Variants in RPS6KC1 observed in about 807,000 individuals in gnomAD.
The protein encoded by RPS6KC1 is ribosomal protein S6 kinase C1, also known as inactive ribosomal protein S6 kinase delta-1.
Under a neutral mutation model 103.8 loss-of-function variants are expected in RPS6KC1, and 54 were observed. The ratio of observed to expected loss-of-function variants is 0.52; its 90% CI spans 0.42 to 0.65. The LOEUF is 0.65. RPS6KC1 is among the 30% of genes least tolerant of loss of function. RPS6KC1 has a pLI of 0.00. For missense variants in RPS6KC1, 1,151 were observed against 1,253.8 expected (o/e 0.92, Z 1.24); for synonymous variants, 439 against 438.7 (o/e 1.00, Z -0.01).
the RPS6KC1 span, among the ~76,000 whole-genome samples, chr1:213,657,397 AG>A: frequency 6.6e-6 from 1 of 152,158 alleles, no homozygotes; most frequent in African/African-American, 2.4e-5. Context: ...GAAGAATTGG[AG>A]GGTAATTTAA....
At chr1:213,449,564 C>T in the RPS6KC1 span, among the ~76,000 whole-genome samples, 1 of 152,176 alleles carries the variant, frequency 6.6e-6, no homozygotes, top group Non-Finnish European at 1.5e-5. Context: ...CTCATTCAAC[C>T]TTAATTACCT....
the RPS6KC1 span, among the ~76,000 whole-genome samples, chr1:213,462,552 T>C: frequency 6.6e-6 from 1 of 152,140 alleles, no homozygotes; most frequent in Non-Finnish European, 1.5e-5. Context: ...GGCACATATA[T>C]ACCATGGAAT....
At chr1:213,743,870 G>A in the RPS6KC1 span, among the ~76,000 whole-genome samples, 6 of 152,270 alleles carry the variant, frequency 3.9e-5, no homozygotes, top group East Asian at 1.2e-3. Context: ...AGGAAAGAGG[G>A]TCTTTGGTGT....
chr1:213,855,529 C>A, the RPS6KC1 span, among the ~76,000 whole-genome samples: 1 of 152,218 alleles, frequency 6.6e-6, no homozygotes, highest in Admixed American at 6.5e-5. Flanking sequence ...TCTTCACTAG[C>A]CTAGCATCTG....
chr1:213,686,279 G>A, the RPS6KC1 span, among the ~76,000 whole-genome samples: 7 of 152,196 alleles, frequency 4.6e-5, no homozygotes, highest in Non-Finnish European at 1.5e-5. Context: ...TTTGGAGAAT[G>A]CGTGGTGGCC....
intron 14 of RPS6KC1, among the ~76,000 whole-genome samples, chr1:213,269,308 A>G (rs2094985763): frequency 2.0e-5 from 3 of 152,230 alleles, no homozygotes; most frequent in Admixed American, 6.5e-5. Flanking sequence ...ATAGGAAACA[A>G]AACTGAACTG....
At chr1:213,149,610 G>A (rs1317583645) in intron 6 of RPS6KC1, among the ~76,000 whole-genome samples, 1 of 152,226 alleles carries the variant, frequency 6.6e-6, no homozygotes, top group African/African-American at 2.4e-5. Flanking sequence ...GGCAAAGAAT[G>A]TGGATTTTGC....
chr1:213,446,169 C>T, the RPS6KC1 span, among the ~76,000 whole-genome samples: 1 of 152,216 alleles, frequency 6.6e-6, no homozygotes, highest in Non-Finnish European at 1.5e-5. Context: ...CAGCCACCAT[C>T]ATTCCTCATG....
chr1:213,387,605 G>A, the RPS6KC1 span, among the ~76,000 whole-genome samples: 17 of 152,298 alleles, frequency 1.1e-4, no homozygotes, highest in Admixed American at 3.3e-4. Context: ...GATATCTAAC[G>A]TACTAAGAGA....
At chr1:213,751,117 C>G in the RPS6KC1 span, among the ~76,000 whole-genome samples, 4 of 152,204 alleles carry the variant, frequency 2.6e-5, no homozygotes, top group African/African-American at 9.6e-5. Flanking sequence ...AGCAATTTAC[C>G]ACCATGAATT....
the RPS6KC1 span, among the ~76,000 whole-genome samples, chr1:213,344,596 C>T: frequency 1.4e-3 from 216 of 152,034 alleles, 2 homozygotes; most frequent in African/African-American, 4.5e-3. Context: ...TGCAGTGGCA[C>T]GATCTCAGGC....
At chr1:213,827,412 G>A in the RPS6KC1 span, among the ~76,000 whole-genome samples, 1 of 152,146 alleles carries the variant, frequency 6.6e-6, no homozygotes, top group Non-Finnish European at 1.5e-5. Flanking sequence ...CTCCATGCTA[G>A]GCACTCCACC....
At chr1:213,430,538 G>A in the RPS6KC1 span, among the ~76,000 whole-genome samples, 7 of 152,316 alleles carry the variant, frequency 4.6e-5, no homozygotes, top group African/African-American at 1.7e-4. Context: ...TGACTCTCTT[G>A]CATTTCTGTG....
the RPS6KC1 span, among the ~76,000 whole-genome samples, chr1:213,790,827 C>T: frequency 1.3e-5 from 2 of 152,260 alleles, no homozygotes; most frequent in African/African-American, 4.8e-5. Flanking sequence ...CATAAGGTGA[C>T]ATCAATACAA....
At chr1:213,055,817 CATAAT>C (rs2077290197) in intron 1 of RPS6KC1, among the ~76,000 whole-genome samples, 1 of 152,174 alleles carries the variant, frequency 6.6e-6, no homozygotes, top group Non-Finnish European at 1.5e-5. Context: ...GATCCATGAA[CATAAT>C]ATATCTCCTC....
chr1:213,590,653 G>A, the RPS6KC1 span, among the ~76,000 whole-genome samples: 1 of 152,172 alleles, frequency 6.6e-6, no homozygotes, highest in African/African-American at 2.4e-5. Context: ...GTCATTCAAA[G>A]TGAGCTGCTC....
At chr1:213,559,195 T>C in the RPS6KC1 span, among the ~76,000 whole-genome samples, 1 of 152,158 alleles carries the variant, frequency 6.6e-6, no homozygotes. Flanking sequence ...CAGGAGGGAA[T>C]TGACTTGCTC....
chr1:213,343,429 A>ATC, the RPS6KC1 span, among the ~76,000 whole-genome samples: 1 of 86,778 alleles, frequency 1.2e-5, no homozygotes, highest in Non-Finnish European at 2.6e-5. Flanking sequence ...ATATATATAT[A>ATC]TATATATATA....
the RPS6KC1 span, among the ~76,000 whole-genome samples, chr1:213,409,806 T>G: frequency 6.6e-6 from 1 of 152,238 alleles, no homozygotes; most frequent in Non-Finnish European, 1.5e-5. Flanking sequence ...GGGTCCTACC[T>G]TCAAGGAGCT....
Sources: gnomAD v4.1 joint callset for allele counts (sites outside exome capture counted in the v4.1 genomes callset) on GRCh38, gnomAD v4.1.1 for gene constraint, MANE v1.5 for transcripts, NCBI Gene and HGNC (gene_info 2026-07-23, HGNC 2026-07-21) for gene names.